The following KIF2A variants were observed in gnomAD, a reference collection of about 807,000 sequenced individuals.
KIF2A encodes kinesin family member 2A, also known as kinesin-like protein KIF2A.
In KIF2A, 22 loss-of-function variants were observed where a neutral mutation model predicts 100.2. The ratio of observed to expected loss-of-function variants is 0.22; its 90% confidence interval spans 0.16 to 0.31. The LOEUF is 0.31. Ranked by LOEUF, KIF2A falls within the 10% of genes least tolerant of loss-of-function variation. KIF2A has a pLI of 1.00. For synonymous variants in KIF2A, 268 were observed against 285.9 expected, an observed-to-expected ratio of 0.94 and a Z score of 0.63; for missense variants, 495 against 898.7, an observed-to-expected ratio of 0.55 and a Z score of 5.74.
intron 1 of KIF2A, among the ~76,000 whole-genome samples, chr5:62,335,540 G>A (rs1490219637): frequency 1.3e-5 from 2 of 152,190 alleles, no homozygotes; most frequent in African/African-American, 4.8e-5. Context: ...GAGCTCAAGG[G>A]AGGGTCACAA....
rs1244208003 is a variant in KIF2A at position 62,389,786 on chromosome 5, G to A, written c.*4217G>A. On this transcript the variant is annotated 3_prime_UTR_variant, in exon 21 of 21. Transcript: ENST00000407818. ...AATTAAATACACATTGTTTCTCTCT[G>A]TAGATACCTATGTACTTAATAGATT... Among the ~76,000 whole-genome samples the A allele has an allele frequency of 6.6e-6, 1 of 152,084 alleles. No homozygotes were observed. The highest frequency in any genetic ancestry group is 1.5e-5 in the Non-Finnish European group (1 of 68,028).
chr5:62,334,378 A>T (rs963958561), intron 1 of KIF2A, among the ~76,000 whole-genome samples: 2 of 151,884 alleles, frequency 1.3e-5, no homozygotes, highest in African/African-American at 4.8e-5. Context: ...TTCCCTGAGC[A>T]GTCCTCAGCT....
Position 62,365,228 on chromosome 5 carries a change from TTTC to T in KIF2A, c.1468-12_1468-10del. Reference sequence around the variant, plus strand: ...AGAAAGACTAATCTGTGAGACTTGTTTTCTTAATTTTCAGGAGTGCATCAGAGC... The same window carrying T: ...AGAAAGACTAATCTGTGAGACTTGTTTTAATTTTCAGGAGTGCATCAGAGC... On this transcript the variant is annotated splice_polypyrimidine_tract_variant and intron_variant, in intron 14 of 20. Coordinates refer to ENST00000407818, the MANE Select transcript of KIF2A (RefSeq NM_001098511.3). 1 of 1,364,770 alleles carries T rather than the reference TTTC, an allele frequency of 7.3e-7. No homozygotes were observed. The highest frequency in any genetic ancestry group is 1.0e-6 in the Non-Finnish European group (1 of 976,022). The allele number at this position is 1,364,770 out of a possible 1,614,324, so 84.5% of individuals were successfully genotyped here.
At chr5:62,368,751 T>G (rs1741197440) in intron 16 of KIF2A, among the ~76,000 whole-genome samples, 1 of 151,730 alleles carries the variant, frequency 6.6e-6, no homozygotes, top group African/African-American at 2.4e-5. Flanking sequence ...CACTCTAGCC[T>G]GGGCAACAGA....
intron 1 of KIF2A, among the ~76,000 whole-genome samples, chr5:62,324,389 C>T (rs1746257514): frequency 6.6e-6 from 1 of 152,106 alleles, no homozygotes; most frequent in Admixed American, 6.6e-5. Context: ...CAAAAAAGAA[C>T]CTAATAGCCG....
At chr5:62,350,312 C>G (rs1426566873) in intron 4 of KIF2A, among the ~76,000 whole-genome samples, 192 bp downstream of exon 4, 1 of 151,428 alleles carries the variant, frequency 6.6e-6, no homozygotes, top group African/African-American at 2.4e-5. Flanking sequence ...GGGTCTTGCT[C>G]TATCACCCAG....
At chr5:62,380,540 G>C (rs565262733) in intron 19 of KIF2A, among the ~76,000 whole-genome samples, 1 of 152,242 alleles carries the variant, frequency 6.6e-6, no homozygotes, top group African/African-American at 2.4e-5. Flanking sequence ...CCCCAGCACA[G>C]TTGGAAATAT....
chr5:62,316,881 C>CA (rs1321745634), intron 1 of KIF2A, among the ~76,000 whole-genome samples: 2 of 151,774 alleles, frequency 1.3e-5, no homozygotes, highest in African/African-American at 4.8e-5. Flanking sequence ...CAATTAATGA[C>CA]AAAAAAATTA....
chr5:62,352,482 T>C (rs1314278194), intron 4 of KIF2A, 106 bp from the exon 5 acceptor site: 1 of 671,394 alleles, frequency 1.5e-6, no homozygotes, highest in Non-Finnish European at 2.4e-6. Flanking sequence ...AACTTACTAA[T>C]GTAACTTTTA....
intron 18 of KIF2A, 93 bp from the exon 19 acceptor site, chr5:62,377,568 T>G (rs1741605261): frequency 1.6e-6 from 1 of 625,906 alleles, no homozygotes; most frequent in African/African-American, 1.9e-5. Context: ...CTCTTCAATT[T>G]CTAAATGATA....
At chr5:62,384,638 T>C (rs1172723758) in intron 20 of KIF2A, among the ~76,000 whole-genome samples, 1 of 152,232 alleles carries the variant, frequency 6.6e-6, no homozygotes, top group Non-Finnish European at 1.5e-5. Context: ...ATAGCTTATC[T>C]TCACAGCTGC....
intron 1 of KIF2A, among the ~76,000 whole-genome samples, chr5:62,321,062 C>A (rs1280909604): frequency 2.0e-5 from 3 of 152,186 alleles, no homozygotes; most frequent in Non-Finnish European, 2.9e-5. Flanking sequence ...TAGCATCTGT[C>A]ACTTAGCATA....
intron 1 of KIF2A, among the ~76,000 whole-genome samples, chr5:62,327,380 G>A (rs1017495407): frequency 6.6e-6 from 1 of 152,084 alleles, no homozygotes; most frequent in African/African-American, 2.4e-5. Context: ...GTAGCCCTTC[G>A]GAGGGCCACA....
At chr5:62,356,406 C>T (rs953009048) in intron 7 of KIF2A, among the ~76,000 whole-genome samples, 5 of 152,150 alleles carry the variant, frequency 3.3e-5, no homozygotes, top group African/African-American at 9.7e-5. Context: ...ATTGTAAAAG[C>T]AGCCATAGAC....
At chr5:62,385,366 G>GA in intron 20 of KIF2A, 118 bp from the exon 21 acceptor site, 1 of 662,296 alleles carries the variant, frequency 1.5e-6, no homozygotes, top group Admixed American at 2.8e-5. Context: ...AGAACAAAAG[G>GA]AAAAATACTG....
intron 20 of KIF2A, among the ~76,000 whole-genome samples, chr5:62,384,253 AAAAC>A (rs1364989951): frequency 6.6e-6 from 1 of 152,218 alleles, no homozygotes; most frequent in Non-Finnish European, 1.5e-5. Context: ...CATCTCAAAA[AAAAC>A]AGAACAGTAA....
chr5:62,361,383 C>T, intron 10 of KIF2A, 51 bp downstream of exon 10: 1 of 1,458,776 alleles, frequency 6.9e-7, no homozygotes, highest in Non-Finnish European at 9.6e-7. Flanking sequence ...AGTTTCTTTT[C>T]CTTATAGCTT....
Position 62,361,495 on chromosome 5 carries a change from C to T in KIF2A, c.993C>T (p.Asn331=), listed in dbSNP as rs1580075970. 6.3e-7 allele frequency: 1 copy of T among 1,585,186 alleles called. No homozygotes were observed. Among genetic ancestry groups the T allele is most frequent in the Non-Finnish European group, 8.7e-7 (1 of 1,154,986 alleles). ...TGGGTGGTGACTTTTCAGGAAAGAA[C>T]CAAGATTGTTCTAAAGGAATTTATG... ...HTMGGDFSGK[N]QDCSKGIYAL... Residue 331 remains asparagine (N), a synonymous_variant, in exon 11 of 21, where the codon AAC becomes AAT. Transcript: ENST00000407818.
chr5:62,361,527 C>T lies in KIF2A; in HGVS notation c.1025C>T (p.Ala342Val). The T allele has an allele frequency of 6.5e-7, 1 of 1,539,196 alleles. No homozygotes were observed. The highest frequency in any genetic ancestry group is 1.1e-5 in the South Asian group (1 of 88,908). ...QDCSKGIYAL[A>V]ARDVFLMLKK... is the part of the protein sequence containing the mutation. ...TGTTCTAAAGGAATTTATGCATTAG[C>T]AGGTAACTGTCCTTTTTCCATAAAA... The change falls in exon 11 of 21, where the codon GCA becomes GTA. Residue 342 changes from alanine (A) to valine (V), a missense_variant and splice_region_variant. Physicochemically the swap from Ala to Val is moderately conservative, Grantham distance 64. This residue lies in a region of KIF2A where 109 missense variants were observed against 244.2 expected (regional missense o/e 0.45). Transcript: ENST00000407818.
Sources: allele counts gnomAD v4.1 joint callset (sites outside exome capture counted in the v4.1 genomes callset), GRCh38; gene constraint gnomAD v4.1.1; regional missense constraint gnomAD v4.1.1; transcripts MANE v1.5; gene names NCBI Gene and HGNC (gene_info 2026-07-23, HGNC 2026-07-21).